OCRL: variants seen among roughly 807,000 people sequenced by gnomAD.
The protein encoded by OCRL is inositol polyphosphate 5-phosphatase OCRL.
In OCRL, 8 loss-of-function variants were observed where a neutral mutation model predicts 78.9. The observed-to-expected ratio is 0.10, with a 90% CI of 0.06 to 0.18. The LOEUF is 0.18. Ranked by LOEUF, OCRL falls within the 10% of genes least tolerant of loss-of-function variation. The probability of loss-of-function intolerance (pLI) is 1.00; values close to 1 mark genes in which losing one functional copy is unlikely to be tolerated. For missense variants in OCRL, 454 were observed against 696.7 expected (o/e 0.65, Z 3.92); for synonymous variants, 240 against 235.4 (o/e 1.02, Z -0.18).
intron 2 of OCRL, among the ~76,000 whole-genome samples, chrX:129,544,384 C>T (rs1935849620): frequency 9.0e-6 from 1 of 111,550 alleles, no homozygotes; most frequent in South Asian, 3.8e-4. Context: ...ATATCTGCCA[C>T]CTTGTTGGTC....
In OCRL at chrX:129,557,851, ATC is replaced by A. The variant is rs1936081749; in HGVS notation, c.350-4_350-3del. On this transcript the variant is annotated splice_polypyrimidine_tract_variant and splice_region_variant and intron_variant, in intron 5 of 23. Transcript: ENST00000371113. Reference sequence around the variant, plus strand: ...TTCCCAGTTTCTGACCATGAACCTTATCTCTCTAGCTCAGTCACAGCTTCTTG... The same window carrying A: ...TTCCCAGTTTCTGACCATGAACCTTATCTCTAGCTCAGTCACAGCTTCTTG... 5 of 1,152,705 alleles carry A rather than the reference ATC, an allele frequency of 4.3e-6. No homozygotes were observed. Among genetic ancestry groups the A allele is most frequent in the Admixed American group, 4.4e-5 (2 of 45,708 alleles). The allele number at this position is 1,152,705 out of a possible 1,213,427, so 95.0% of individuals were successfully genotyped here.
At chrX:129,581,563 C>G (rs918889682) in intron 18 of OCRL, among the ~76,000 whole-genome samples, 19 of 110,242 alleles carry the variant, frequency 1.7e-4, no homozygotes, top group African/African-American at 5.9e-4. Flanking sequence ...AGAAGTAAAT[C>G]TCTTGTCCCT....
At chrX:129,585,706 A>G (rs765718305) in intron 19 of OCRL, among the ~76,000 whole-genome samples, 4 of 111,530 alleles carry the variant, frequency 3.6e-5, no homozygotes, top group African/African-American at 6.5e-5. Context: ...GAATGTGGGG[A>G]AAAAAAAGAA....
chrX:129,541,770 A>G (rs1227052010), intron 2 of OCRL, among the ~76,000 whole-genome samples: 1 of 111,786 alleles, frequency 8.9e-6, no homozygotes, highest in African/African-American at 3.3e-5. Context: ...CTCAGTCCCC[A>G]CTTTTAGATC....
At chrX:129,575,297 G>C (rs761702991) in intron 16 of OCRL, 47 bp downstream of exon 16, 1 of 874,473 alleles carries the variant, frequency 1.1e-6, no homozygotes, top group Admixed American at 2.3e-5. Flanking sequence ...ACTGTGGTTA[G>C]CACAGAAGAA....
In OCRL at chrX:129,588,791, A is replaced by G. The variant is rs958475944; in HGVS notation, c.2342-95A>G. ...CAATGTGCCCTGAATAAGAGGAGGG[A>G]AACAGTCCCTGTAGGAGCTTGAGGA... is the stretch of plus-strand genomic sequence containing the variant. On this transcript the variant is annotated intron_variant, in intron 21 of 23. Coordinates refer to ENST00000371113, the MANE Select transcript of OCRL (RefSeq NM_000276.4). The G allele has an allele frequency of 3.1e-5, 32 of 1,045,728 alleles. No individual in the cohort carries two copies. The Admixed American group carries it at 6.8e-4, about 22-fold the overall frequency. 86.2% of individuals were successfully genotyped at this position (1,045,728 alleles called of 1,213,427 possible). A position where few individuals can be genotyped will look rare whatever the true frequency, so the allele number is the denominator to read the frequency against.
chrX:129,587,652 A>G (rs1936531079), intron 20 of OCRL, among the ~76,000 whole-genome samples: 1 of 110,541 alleles, frequency 9.0e-6, no homozygotes, highest in African/African-American at 3.3e-5. Context: ...TAGTATGAGC[A>G]TGCGATTTCC....
At chrX:129,540,663 G>C (rs1276330073) in intron 1 of OCRL, 81 bp from the exon 2 acceptor site, 1 of 819,530 alleles carries the variant, frequency 1.2e-6, no homozygotes, top group Non-Finnish European at 1.8e-6. Flanking sequence ...GTGGGGGGGG[G>C]GTGGAAGACC....
At chrX:129,547,524 C>CAAAAAAA (rs1177506776) in intron 3 of OCRL, among the ~76,000 whole-genome samples, 4 of 34,893 alleles carry the variant, frequency 1.1e-4, no homozygotes, top group African/African-American at 1.9e-4. Context: ...GACTCCGTCT[C>CAAAAAAA]AAAAAAAAAA....
At chrX:129,560,066 C>T (rs1936124037) in intron 8 of OCRL, among the ~76,000 whole-genome samples, 1 of 112,206 alleles carries the variant, frequency 8.9e-6, no homozygotes. Flanking sequence ...CATGAGTTTT[C>T]CCTTCTGCTT....
At chrX:129,553,852 A>G (rs1441943020) in intron 4 of OCRL, among the ~76,000 whole-genome samples, 1 of 111,231 alleles carries the variant, frequency 9.0e-6, no homozygotes, top group South Asian at 3.8e-4. Context: ...TTCCTATGAT[A>G]GAGGACCCGG....
At chrX:129,555,063 C>T (rs1317624712) in intron 4 of OCRL, among the ~76,000 whole-genome samples, 1 of 110,611 alleles carries the variant, frequency 9.0e-6, no homozygotes, top group Non-Finnish European at 1.9e-5. Flanking sequence ...GCAGTTGACT[C>T]TGAATTTTAA....
chrX:129,588,003 A>G (rs1342188252), intron 20 of OCRL, among the ~76,000 whole-genome samples, 176 bp from the exon 21 acceptor site: 1 of 112,021 alleles, frequency 8.9e-6, no homozygotes, highest in African/African-American at 3.2e-5. Flanking sequence ...AACATTTCAC[A>G]TGGATTAGAG....
chrX:129,548,927 A>G (rs1935924440), intron 4 of OCRL, among the ~76,000 whole-genome samples: 1 of 112,331 alleles, frequency 8.9e-6, no homozygotes, highest in Non-Finnish European at 1.9e-5. Flanking sequence ...TGATGTTTAA[A>G]GCACATAAGG....
At chrX:129,563,158 G>T (rs1432147707) in intron 12 of OCRL, among the ~76,000 whole-genome samples, 1 of 111,571 alleles carries the variant, frequency 9.0e-6, no homozygotes, top group Admixed American at 9.5e-5. Context: ...CTCTCCAAAG[G>T]AAACCATTCT....
intron 4 of OCRL, chrX:129,549,529 T>A (rs1307842532): frequency 1.8e-5 from 2 of 111,705 alleles, no homozygotes; most frequent in African/African-American, 6.5e-5. Flanking sequence ...TTTTTTTTTT[T>A]TTCCCTTTGG....
intron 4 of OCRL, among the ~76,000 whole-genome samples, chrX:129,550,990 A>T (rs1228650684): frequency 1.8e-5 from 2 of 109,687 alleles, no homozygotes; most frequent in Non-Finnish European, 3.8e-5. Context: ...TGTGTTTTTT[A>T]AAATTATGAA....
At chrX:129,569,518 C>A in intron 15 of OCRL, 119 bp downstream of exon 15, 1 of 818,276 alleles carries the variant, frequency 1.2e-6, no homozygotes, top group Non-Finnish European at 1.8e-6. Context: ...AACCAAATAA[C>A]CATTTGCAGC....
At chrX:129,578,860 G>A (rs753158028) in intron 18 of OCRL, among the ~76,000 whole-genome samples, 106 of 109,528 alleles carry the variant, frequency 9.7e-4, no homozygotes, top group Non-Finnish European at 1.9e-3. Context: ...TTGTATGTGT[G>A]TGGACATCAT....
Sources: allele counts gnomAD v4.1 joint callset (sites outside exome capture counted in the v4.1 genomes callset), GRCh38; gene constraint gnomAD v4.1.1; transcripts MANE v1.5; gene names NCBI Gene and HGNC (gene_info 2026-07-23, HGNC 2026-07-21).